PDE9A: variants seen among roughly 807,000 people sequenced by gnomAD.
The protein encoded by PDE9A is high affinity cGMP-specific 3',5'-cyclic phosphodiesterase 9A.
Under a neutral mutation model 87.4 loss-of-function variants are expected in PDE9A, and 60 were observed. The ratio of observed to expected loss-of-function variants is 0.69; its 90% CI spans 0.56 to 0.85. The LOEUF is 0.85. Among genes scored for constraint, PDE9A ranks in the 40% least tolerant of loss-of-function variants. The pLI, the probability that PDE9A is intolerant of heterozygous loss-of-function variation, is 0.00. For missense variants in PDE9A, 665 were observed against 779.0 expected (o/e 0.85, Z 1.74); for synonymous variants, 272 against 279.4 (o/e 0.97, Z 0.27).
rs1317289808 is a variant in PDE9A at position 42,704,730 on chromosome 21, A to T, written c.262+5719A>T. On this transcript the variant is annotated intron_variant, in intron 4 of 19. Transcript: ENST00000291539. The surrounding 1 kb of genome is among the most constrained non-coding windows in gnomAD (Gnocchi z 5.3). The stretch of plus-strand genomic sequence containing the variant: ...AGAAAAGGAAATGGGAGCTGTTTCT[A>T]GACTAGCACAAGGCTCAGGGGGTGG... Among the ~76,000 whole-genome samples, 2 of 141,570 alleles carry T rather than the reference A, an allele frequency of 1.4e-5. No homozygotes were observed. The highest frequency in any genetic ancestry group is 3.1e-5 in the Non-Finnish European group (2 of 64,258). 92.9% of individuals were successfully genotyped at this position (141,570 alleles called of 152,430 possible). A position where few individuals can be genotyped will look rare whatever the true frequency, so the allele number is the denominator to read the frequency against.
rs1008348566 is a variant in PDE9A, at chr21:42,733,302, GCT to G, written c.498-51_498-50del. 5.7e-6 allele frequency: 6 copies of G among 1,058,922 alleles called. No homozygotes were observed. In the African/African-American group the frequency reaches 9.3e-5, roughly 16 times the overall value. The allele number at this position is 1,058,922 out of a possible 1,614,324, so 65.6% of individuals were successfully genotyped here. On this transcript the variant is annotated intron_variant, in intron 6 of 19. Coordinates refer to ENST00000291539, the MANE Select transcript of PDE9A (RefSeq NM_002606.3). The stretch of plus-strand genomic sequence containing the variant: ...GTAGGTGTTTGCTTAACCGGTTTTG[GCT>G]CTGAGAATTTTAAGGGTCATATTTA...
intron 8 of PDE9A, among the ~76,000 whole-genome samples, chr21:42,748,271 T>C (rs576882335): frequency 8.1e-4 from 123 of 152,318 alleles, no homozygotes; most frequent in Admixed American, 2.4e-3. Context: ...TAAATGGAAT[T>C]TCTCGTTTAA....
chr21:42,730,739 T>A lies in PDE9A; in HGVS notation c.263-1031T>A, dbSNP rs191117432. Among the ~76,000 whole-genome samples the A allele has an allele frequency of 3.3e-5, 5 of 152,354 alleles. No homozygotes were observed. The East Asian group carries it at 9.6e-4, about 29-fold the overall frequency. On this transcript the variant is annotated intron_variant, in intron 4 of 19. Transcript: ENST00000291539. ...ATATATGTCTGATGATACAGTTTTC[T>A]CATCATTTATTTAATGAGTCTCCAT...
At chr21:42,743,663 C>T in intron 7 of PDE9A, 113 bp from the exon 8 acceptor site, 1 of 687,288 alleles carries the variant, frequency 1.5e-6, no homozygotes, top group South Asian at 1.7e-5. Flanking sequence ...GGGACCTCTG[C>T]ACTGAGGTAT....
chr21:42,660,276 A>G lies in PDE9A; in HGVS notation c.69+6393A>G, dbSNP rs2057384701. ...CCTGCCCCAGACAAAGCGTGTCTGC[A>G]CTCCTTGGCTTTCTCCCCAGACAAA... On this transcript the variant is annotated intron_variant, in intron 1 of 19. Transcript: ENST00000291539. This position sits in a 1 kb window ranked among gnomAD's most constrained non-coding sequence, Gnocchi z 4.7. 6.6e-6 allele frequency among the ~76,000 whole-genome samples: 1 copy of G among 151,984 alleles called. No homozygotes were observed. Among genetic ancestry groups the G allele is most frequent in the South Asian group, 2.1e-4 (1 of 4,816 alleles).
chr21:42,711,879 G>C (rs2049373848), intron 4 of PDE9A, among the ~76,000 whole-genome samples: 1 of 152,040 alleles, frequency 6.6e-6, no homozygotes, highest in African/African-American at 2.4e-5. Context: ...CTGTGTTTGG[G>C]CCTCTCGCTG....
chr21:42,670,695 ACACT>A (rs766198310), intron 1 of PDE9A, among the ~76,000 whole-genome samples: 69 of 151,648 alleles, frequency 4.6e-4, no homozygotes, highest in East Asian at 7.8e-4. Flanking sequence ...ACATGCTCAC[ACACT>A]CACACATACA....
Position 42,760,187 on chromosome 21 carries a change from AC to A in PDE9A, c.898-139del, listed in dbSNP as rs766663595. On this transcript the variant is annotated intron_variant, in intron 11 of 19. Coordinates refer to ENST00000291539, the MANE Select transcript of PDE9A (RefSeq NM_002606.3). This position sits in a 1 kb window ranked among gnomAD's most constrained non-coding sequence, Gnocchi z 5.2. Reference sequence around the variant, plus strand: ...GTCACCTCATTGGTACCTGTGGTAAACCTGGAACACTGTTGACCTCTGGTTG... The same window carrying A: ...GTCACCTCATTGGTACCTGTGGTAAACTGGAACACTGTTGACCTCTGGTTG... The A allele has an allele frequency of 1.6e-6, 1 of 635,670 alleles. No individual in the cohort carries two copies. Among genetic ancestry groups the A allele is most frequent in the Non-Finnish European group, 2.9e-6 (1 of 346,734 alleles). 39.4% of individuals were successfully genotyped at this position (635,670 alleles called of 1,614,324 possible).
chr21:42,725,125 G>A lies in PDE9A; in HGVS notation c.263-6645G>A, dbSNP rs548835053. Reference sequence around the variant, plus strand: ...ACACGGTCCAGATCCGGAACATGGCGTCCCCCACAAGGATCCCACCTGCCG... The same window carrying A: ...ACACGGTCCAGATCCGGAACATGGCATCCCCCACAAGGATCCCACCTGCCG... On this transcript the variant is annotated intron_variant, in intron 4 of 19. Coordinates refer to ENST00000291539, the MANE Select transcript of PDE9A (RefSeq NM_002606.3). Among the ~76,000 whole-genome samples, 148 of 152,196 alleles carry A rather than the reference G, an allele frequency of 9.7e-4. 1 individual carries two copies. In the Middle Eastern group the frequency reaches 0.01, roughly 10 times the overall value.
Position 42,661,714 on chromosome 21 carries a change from G to A in PDE9A, c.69+7831G>A, listed in dbSNP as rs981708525. ...TTAGTTCTTCAGTTTGCAAAGGGCC[G>A]GCCTGTTGTGATGGGTTTATTGTTG... On this transcript the variant is annotated intron_variant, in intron 1 of 19. Transcript: ENST00000291539. 2.6e-5 allele frequency among the ~76,000 whole-genome samples: 4 copies of A among 152,286 alleles called. No homozygotes were observed. In the East Asian group the frequency reaches 5.8e-4, roughly 22 times the overall value.
At chr21:42,754,097 G>C (rs752329304) in intron 10 of PDE9A, 33 bp downstream of exon 10, 10 of 1,437,712 alleles carry the variant, frequency 7.0e-6, no homozygotes, top group South Asian at 2.3e-5. Context: ...CCACGTCCCA[G>C]GGGGAGGCAG....
At chr21:42,672,263 C>G (rs1410505045) in intron 1 of PDE9A, among the ~76,000 whole-genome samples, 1 of 152,220 alleles carries the variant, frequency 6.6e-6, no homozygotes. Context: ...CAGCACGCAC[C>G]CCTGGAGCTG....
At chr21:42,701,568 C>T (rs1304137366) in intron 4 of PDE9A, among the ~76,000 whole-genome samples, 1 of 151,988 alleles carries the variant, frequency 6.6e-6, no homozygotes, top group Non-Finnish European at 1.5e-5. Context: ...TCCCAAGTAG[C>T]TGGGACTATA....
rs557618323 is a variant in PDE9A, at chr21:42,659,049, G to C, written c.69+5166G>C. On this transcript the variant is annotated intron_variant, in intron 1 of 19. Transcript: ENST00000291539. This position sits in a 1 kb window ranked among gnomAD's most constrained non-coding sequence, Gnocchi z 4.1. ...CGGTTTTTGGTTCCTTTTTCAACCA[G>C]CAATCAGCCATGAAGTGCCTGACCA... is the stretch of plus-strand genomic sequence containing the variant. Among the ~76,000 whole-genome samples the C allele has an allele frequency of 6.6e-5, 10 of 152,344 alleles. No homozygotes were observed. The East Asian group carries it at 1.9e-3, about 29-fold the overall frequency.
At chr21:42,689,451 G>T in intron 3 of PDE9A, 2 of 773,260 alleles carry the variant, frequency 2.6e-6, no homozygotes, top group Middle Eastern at 6.8e-4. Flanking sequence ...AGCCTGGGGG[G>T]TCTCGCTCAG....
chr21:42,765,684 T>G (rs2284970), intron 15 of PDE9A, 190 bp downstream of exon 15: 252,287 of 585,798 alleles, frequency 0.43, 55,608 homozygotes, highest in South Asian at 0.61. Flanking sequence ...TCCTGATGGG[T>G]CCTCCTTCAT....
At chr21:42,688,369 G>A (rs1160941715) in intron 3 of PDE9A, among the ~76,000 whole-genome samples, 5 of 152,250 alleles carry the variant, frequency 3.3e-5, no homozygotes, top group East Asian at 1.9e-4. Flanking sequence ...GGGACATTTC[G>A]TGTTTACCCA....
chr21:42,654,728 G>T (rs1026948616), intron 1 of PDE9A, among the ~76,000 whole-genome samples: 1 of 152,212 alleles, frequency 6.6e-6, no homozygotes, highest in East Asian at 1.9e-4. Flanking sequence ...GCAGGTGCCG[G>T]CCAGGCTTGA....
rs1167752827 is a variant in PDE9A, at chr21:42,760,950, C to T, written c.1085+43C>T. The stretch of plus-strand genomic sequence containing the variant: ...TCTTTTTTTCCTTTTAAAAGGCACC[C>T]TGGCTACTGGAGGGAACCTGTCAGC... On this transcript the variant is annotated intron_variant, in intron 13 of 19. Coordinates refer to ENST00000291539, the MANE Select transcript of PDE9A (RefSeq NM_002606.3). This position sits in a 1 kb window ranked among gnomAD's most constrained non-coding sequence, Gnocchi z 5.2. 3.1e-6 allele frequency: 4 copies of T among 1,295,160 alleles called. No homozygotes were observed. Among genetic ancestry groups the T allele is most frequent in the East Asian group, 2.3e-5 (1 of 43,496 alleles). The allele number at this position is 1,295,160 out of a possible 1,614,324, so 80.2% of individuals were successfully genotyped here.
Sources: gnomAD v4.1 joint callset for allele counts (sites outside exome capture counted in the v4.1 genomes callset) on GRCh38, gnomAD v4.1.1 for gene constraint, Gnocchi (gnomAD v3.1) non-coding constraint, MANE v1.5 for transcripts, NCBI Gene and HGNC (gene_info 2026-07-23, HGNC 2026-07-21) for gene names.